The following QKI variants were observed in gnomAD, a reference collection of about 807,000 sequenced individuals.
QKI encodes the protein KH domain-containing RNA-binding protein QKI.
QKI carries 10 observed loss-of-function variants against 39.0 expected under a neutral mutation model. That is an observed-to-expected ratio of 0.26 (90% CI 0.16 to 0.43). The LOEUF is 0.43. QKI is among the 20% of genes least tolerant of loss of function. The pLI, the probability that QKI is intolerant of heterozygous loss-of-function variation, is 1.00. For synonymous variants in QKI, 204 were observed against 155.4 expected (o/e 1.31, Z -2.33); for missense variants, 218 against 428.0 (o/e 0.51, Z 4.33).
At chr6:163,516,197 A>G (rs1175153612) in intron 3 of QKI, among the ~76,000 whole-genome samples, 1 of 152,210 alleles carries the variant, frequency 6.6e-6, no homozygotes, top group Non-Finnish European at 1.5e-5. Flanking sequence ...ATGACACTCA[A>G]CAACATACAT....
At chr6:163,423,085 C>T (rs989324820) in intron 1 of QKI, 1 of 152,184 alleles carries the variant, frequency 6.6e-6, no homozygotes, top group African/African-American at 2.4e-5. Context: ...ATCACGAGGT[C>T]AAGATTTCGA....
intron 4 of QKI, among the ~76,000 whole-genome samples, chr6:163,551,884 C>A (rs1782254005): frequency 6.6e-6 from 1 of 152,138 alleles, no homozygotes; most frequent in South Asian, 2.1e-4. Context: ...CAGTTAACTC[C>A]CTAAAATTGT....
intron 1 of QKI, among the ~76,000 whole-genome samples, chr6:163,428,243 A>G (rs556665375): frequency 6.6e-6 from 1 of 152,332 alleles, no homozygotes; most frequent in South Asian, 2.1e-4. Flanking sequence ...TGTTGACCAT[A>G]TTAAATGTAA....
chr6:163,541,420 GC>G (rs1476860289), intron 4 of QKI, among the ~76,000 whole-genome samples: 3 of 151,426 alleles, frequency 2.0e-5, no homozygotes, highest in African/African-American at 7.3e-5. Context: ...TGTGAATTCT[GC>G]AGTAGTTGCG....
At chr6:163,553,062 TTTTATTTA>T (rs200656963) in intron 4 of QKI, among the ~76,000 whole-genome samples, 18,867 of 118,876 alleles carry the variant, frequency 0.16, 1,412 homozygotes, top group South Asian at 0.18. Context: ...TTTTTTTAAT[TTTTATTTA>T]TTTATTTATT....
chr6:163,501,179 G>A lies in QKI; in HGVS notation c.402+22283G>A, dbSNP rs548437318. Among the ~76,000 whole-genome samples, 6 of 152,036 alleles carry A rather than the reference G, an allele frequency of 3.9e-5. No individual in the cohort carries two copies. In the South Asian group the frequency reaches 6.2e-4, roughly 16 times the overall value. On this transcript the variant is annotated intron_variant, in intron 3 of 7. Transcript: ENST00000361752. ...TCAGATGGATAATGTGAATTAAGGC[G>A]TGTTCTTTGGCCACTCAAAGTGCTC...
chr6:163,499,189 G>A (rs960841574), intron 3 of QKI, among the ~76,000 whole-genome samples: 1 of 152,114 alleles, frequency 6.6e-6, no homozygotes, highest in East Asian at 1.9e-4. Context: ...TGGTTTCAAC[G>A]TGTTTTGCTG....
At chr6:163,561,396 C>T (rs1782994393) in intron 4 of QKI, among the ~76,000 whole-genome samples, 1 of 152,046 alleles carries the variant, frequency 6.6e-6, no homozygotes, top group African/African-American at 2.4e-5. Context: ...CACTTGAAGC[C>T]AGGAGTTTGA....
intron 7 of QKI, 120 bp downstream of exon 7, chr6:163,566,915 C>G (rs1783397678): frequency 6.8e-7 from 1 of 1,462,836 alleles, no homozygotes; most frequent in African/African-American, 1.4e-5. Context: ...TTTTCCTTTT[C>G]TAAATTTGTT....
At chr6:163,415,782 C>T (rs1270419121) in intron 1 of QKI, 1 of 381,184 alleles carries the variant, frequency 2.6e-6, no homozygotes, top group African/African-American at 2.2e-5. Flanking sequence ...GCCTCCCGAG[C>T]CTGCTCTGCG....
chr6:163,524,972 A>C (rs985867868), intron 3 of QKI, among the ~76,000 whole-genome samples: 1 of 152,240 alleles, frequency 6.6e-6, no homozygotes, highest in Non-Finnish European at 1.5e-5. Context: ...TGAAGCATAG[A>C]TAAATTCAAG....
At chr6:163,415,781 G>A (rs1362765340) in intron 1 of QKI, 4 of 381,442 alleles carry the variant, frequency 1.0e-5, no homozygotes, top group African/African-American at 2.2e-5. Flanking sequence ...GGCCTCCCGA[G>A]CCTGCTCTGC....
chr6:163,564,963 G>A, intron 6 of QKI: 1 of 1,296,940 alleles, frequency 7.7e-7, no homozygotes, highest in Non-Finnish European at 9.8e-7. Context: ...AGAACACTAA[G>A]ATTTAAACTC....
At chr6:163,485,754 G>C (rs926851813) in intron 3 of QKI, among the ~76,000 whole-genome samples, 3 of 152,160 alleles carry the variant, frequency 2.0e-5, no homozygotes, top group African/African-American at 7.2e-5. Context: ...AGCAATTCCA[G>C]TTCAAGTTCT....
At chr6:163,517,075 C>T (rs1448313980) in intron 3 of QKI, among the ~76,000 whole-genome samples, 2 of 40,220 alleles carry the variant, frequency 5.0e-5, no homozygotes, top group East Asian at 6.5e-3. Context: ...CTCTCTCTCT[C>T]TCTCTTTCTC....
intron 3 of QKI, among the ~76,000 whole-genome samples, chr6:163,506,359 A>G (rs1779093776): frequency 6.6e-6 from 1 of 152,208 alleles, no homozygotes; most frequent in African/African-American, 2.4e-5. Flanking sequence ...TAAGGGAACA[A>G]GATCAGTCAG....
intron 2 of QKI, among the ~76,000 whole-genome samples, chr6:163,474,772 T>C (rs1423833822): frequency 7.5e-6 from 1 of 132,454 alleles, no homozygotes; most frequent in Non-Finnish European, 1.6e-5. Context: ...TGAGACCTGA[T>C]GTCTACAAAA....
chr6:163,484,743 G>A (rs1164430016), intron 3 of QKI, among the ~76,000 whole-genome samples: 3 of 152,054 alleles, frequency 2.0e-5, no homozygotes, highest in Non-Finnish European at 4.4e-5. Context: ...GGCATGGTTT[G>A]GTGTGCCCCA....
chr6:163,519,307 TAAG>T (rs910003962), intron 3 of QKI, among the ~76,000 whole-genome samples: 7 of 152,116 alleles, frequency 4.6e-5, no homozygotes, highest in African/African-American at 1.4e-4. Context: ...ATGTCATTAA[TAAG>T]AACACATGAG....
Sources: allele counts gnomAD v4.1 joint callset (sites outside exome capture counted in the v4.1 genomes callset), GRCh38; gene constraint gnomAD v4.1.1; transcripts MANE v1.5; gene names NCBI Gene and HGNC (gene_info 2026-07-23, HGNC 2026-07-21).